PCSK5: variants seen among roughly 807,000 people sequenced by gnomAD.
The protein encoded by PCSK5 is prohormone convertase 5.
A neutral mutation model predicts 233.2 loss-of-function variants in PCSK5; 129 were observed. The observed-to-expected ratio is 0.55, with a 90% CI of 0.48 to 0.64. The LOEUF (loss-of-function observed/expected upper bound fraction) is 0.64. Among genes scored for constraint, PCSK5 ranks in the 30% least tolerant of loss-of-function variants. The pLI, the probability that PCSK5 is intolerant of heterozygous loss-of-function variation, is 0.00. For missense variants in PCSK5, 2,076 were observed against 2,430.1 expected, an observed-to-expected ratio of 0.85 and a Z score of 3.06; for synonymous variants, 825 against 879.2, an observed-to-expected ratio of 0.94 and a Z score of 1.09.
chr9:76,071,185 T>C (rs1830468142), intron 6 of PCSK5, among the ~76,000 whole-genome samples: 2 of 152,170 alleles, frequency 1.3e-5, no homozygotes, highest in African/African-American at 2.4e-5. Context: ...TCCACAGAGA[T>C]TATTCTTATT....
intron 9 of PCSK5, among the ~76,000 whole-genome samples, chr9:76,124,745 CAAAAAA>C (rs58659276): frequency 1.3e-4 from 12 of 92,142 alleles, no homozygotes; most frequent in South Asian, 3.8e-4. Flanking sequence ...GACTCCATCT[CAAAAAA>C]AAAAAAAAAA....
At chr9:76,034,085 G>A (rs542721197) in intron 5 of PCSK5, among the ~76,000 whole-genome samples, 1 of 152,132 alleles carries the variant, frequency 6.6e-6, no homozygotes, top group Non-Finnish European at 1.5e-5. Context: ...TCATTGTGTA[G>A]GTTCTGGGAA....
chr9:76,016,965 A>G (rs1827973614), intron 3 of PCSK5, among the ~76,000 whole-genome samples: 1 of 151,350 alleles, frequency 6.6e-6, no homozygotes, highest in South Asian at 2.1e-4. Flanking sequence ...CTATTTTCTG[A>G]TGTTCCCTTG....
At chr9:76,135,131 G>A (rs1822918166) in intron 10 of PCSK5, among the ~76,000 whole-genome samples, 1 of 151,984 alleles carries the variant, frequency 6.6e-6, no homozygotes, top group Non-Finnish European at 1.5e-5. Flanking sequence ...CAGACCGTTG[G>A]TAACATGGTC....
chr9:75,963,839 A>G (rs1825461066), intron 2 of PCSK5, among the ~76,000 whole-genome samples: 1 of 152,212 alleles, frequency 6.6e-6, no homozygotes, highest in Non-Finnish European at 1.5e-5. Flanking sequence ...AAATCGTGCC[A>G]TTGCACTCCA....
intron 2 of PCSK5, among the ~76,000 whole-genome samples, chr9:75,965,533 T>C (rs1015449773): frequency 6.6e-6 from 1 of 152,040 alleles, no homozygotes; most frequent in Non-Finnish European, 1.5e-5. Context: ...CATCCTCCCT[T>C]CTTCTGCTTT....
chr9:76,083,315 T>C (rs1001362212), intron 7 of PCSK5, among the ~76,000 whole-genome samples: 19 of 152,202 alleles, frequency 1.2e-4, no homozygotes, highest in African/African-American at 4.6e-4. Flanking sequence ...TCATGCAGTT[T>C]TTTGTAGATG....
chr9:76,258,925 G>A (rs1827068838), intron 24 of PCSK5, among the ~76,000 whole-genome samples: 1 of 152,162 alleles, frequency 6.6e-6, no homozygotes, highest in Non-Finnish European at 1.5e-5. Context: ...GTTACCCAAA[G>A]CCATTGTCCA....
chr9:76,206,235 T>TA (rs962276398), intron 20 of PCSK5, among the ~76,000 whole-genome samples: 5 of 152,244 alleles, frequency 3.3e-5, no homozygotes, highest in African/African-American at 1.2e-4. Flanking sequence ...ACACTGGTGT[T>TA]AACTACATAG....
intron 6 of PCSK5, among the ~76,000 whole-genome samples, chr9:76,071,058 C>T (rs1459101823): frequency 2.6e-5 from 4 of 152,026 alleles, no homozygotes; most frequent in Non-Finnish European, 5.9e-5. Flanking sequence ...CTTAATGTCT[C>T]TTTTTGCAAA....
At chr9:76,351,477 A>AAAGAAAG (rs1564196664) in intron 36 of PCSK5, among the ~76,000 whole-genome samples, 3 of 86,042 alleles carry the variant, frequency 3.5e-5, no homozygotes, top group African/African-American at 1.1e-4. Flanking sequence ...AGAAAGAAAG[A>AAAGAAAG]AAGAAAGAAA....
intron 5 of PCSK5, among the ~76,000 whole-genome samples, chr9:76,044,445 G>C (rs1829294025): frequency 6.6e-6 from 1 of 152,182 alleles, no homozygotes. Flanking sequence ...CTGATATTGG[G>C]AAAGAAGCTC....
intron 17 of PCSK5, 37 bp downstream of exon 17, chr9:76,184,794 C>T: frequency 2.6e-6 from 3 of 1,165,180 alleles, no homozygotes; most frequent in Non-Finnish European, 3.8e-6. Flanking sequence ...TAACACAGCC[C>T]AAAGAGCTTC....
At chr9:75,979,767 A>C (rs1826194270) in intron 2 of PCSK5, among the ~76,000 whole-genome samples, 2 of 152,226 alleles carry the variant, frequency 1.3e-5, no homozygotes, top group Admixed American at 1.3e-4. Context: ...CACATCTTTC[A>C]AAGAGGCCTT....
chr9:76,332,435 A>G lies in PCSK5; in HGVS notation c.4573A>G (p.Thr1525Ala), dbSNP rs759332552. ...TCPMNSLLLN[T>A]TCVKDCPEGY... ...AGACATTTTTTCTCCCATGACAGAC[A>G]CAACCTGTGTGAAGGACTGCCCAGA... Residue 1525 changes from threonine to alanine, a missense_variant and splice_region_variant, in exon 34 of 38, where the codon ACA (threonine) becomes GCA (alanine). This residue lies in a region of PCSK5 where 1,510 missense variants were observed against 1,538.1 expected (regional missense o/e 0.98). Transcript: ENST00000674117. 2.5e-5 allele frequency: 40 copies of G among 1,610,580 alleles called. No individual in the cohort carries two copies. Among genetic ancestry groups the G allele is most frequent in the Non-Finnish European group, 3.1e-5 (37 of 1,178,770 alleles).
chr9:76,116,350 T>G (rs1475833981), intron 9 of PCSK5, among the ~76,000 whole-genome samples: 1 of 152,158 alleles, frequency 6.6e-6, no homozygotes, highest in East Asian at 1.9e-4. Flanking sequence ...CATTTCTCTA[T>G]TCATAATTCT....
At chr9:75,970,149 A>G (rs902982072) in intron 2 of PCSK5, among the ~76,000 whole-genome samples, 3 of 152,164 alleles carry the variant, frequency 2.0e-5, no homozygotes, top group Admixed American at 6.5e-5. Context: ...CTGAGATTAC[A>G]GGTGTGAGCC....
At chr9:76,145,478 C>G (rs138933509) in intron 10 of PCSK5, among the ~76,000 whole-genome samples, 53 of 152,260 alleles carry the variant, frequency 3.5e-4, no homozygotes, top group South Asian at 6.2e-4. Flanking sequence ...CCACCTCCCC[C>G]CCAGCTCATT....
intron 5 of PCSK5, among the ~76,000 whole-genome samples, chr9:76,036,916 G>A (rs1247888902): frequency 1.3e-5 from 2 of 152,216 alleles, no homozygotes; most frequent in Non-Finnish European, 2.9e-5. Context: ...ACAGCATTGT[G>A]TTCAGTAAAC....
Sources: allele counts gnomAD v4.1 joint callset (sites outside exome capture counted in the v4.1 genomes callset), GRCh38; gene constraint gnomAD v4.1.1; regional missense constraint gnomAD v4.1.1; transcripts MANE v1.5; gene names NCBI Gene and HGNC (gene_info 2026-07-23, HGNC 2026-07-21).